DRC11: variants seen among roughly 807,000 people sequenced by gnomAD.
DRC11 encodes IQ and AAA domain-containing protein 1.
the DRC11 span, among the ~76,000 whole-genome samples, chr2:236,489,389 G>A: frequency 6.9e-6 from 1 of 145,680 alleles, no homozygotes; most frequent in African/African-American, 2.6e-5. Flanking sequence ...TCTGGGTGCA[G>A]GTGAGGCCTG....
the DRC11 span, among the ~76,000 whole-genome samples, chr2:236,382,515 A>C: frequency 5.9e-5 from 9 of 152,288 alleles, no homozygotes; most frequent in African/African-American, 1.9e-4. Context: ...AATTGCATTA[A>C]TCCTATCCTA....
the DRC11 span, among the ~76,000 whole-genome samples, chr2:236,383,122 G>A: frequency 8.6e-5 from 13 of 152,000 alleles, no homozygotes; most frequent in Non-Finnish European, 1.6e-4. Context: ...CTGATCTAAC[G>A]TCTTTATTTG....
At chr2:236,322,021 C>A in the DRC11 span, among the ~76,000 whole-genome samples, 1 of 152,056 alleles carries the variant, frequency 6.6e-6, no homozygotes, top group East Asian at 1.9e-4. Flanking sequence ...CGGGAACAGA[C>A]ACACAACTCT....
chr2:236,322,590 A>G, the DRC11 span, among the ~76,000 whole-genome samples: 1 of 152,062 alleles, frequency 6.6e-6, no homozygotes, highest in Non-Finnish European at 1.5e-5. Flanking sequence ...GTAGAGCACA[A>G]ACTCAGCACT....
chr2:236,344,461 A>C, the DRC11 span: 1 of 785,194 alleles, frequency 1.3e-6, no homozygotes, highest in South Asian at 1.7e-5. Flanking sequence ...CCTCGCTTGA[A>C]AAGGCAAGAC....
chr2:236,481,622 T>C, the DRC11 span, among the ~76,000 whole-genome samples: 1 of 152,134 alleles, frequency 6.6e-6, no homozygotes, highest in African/African-American at 2.4e-5. Context: ...CTTTTAAATG[T>C]GTGTTTTTTT....
the DRC11 span, among the ~76,000 whole-genome samples, chr2:236,325,735 TG>T: frequency 6.6e-6 from 1 of 152,168 alleles, no homozygotes; most frequent in Non-Finnish European, 1.5e-5. The surrounding 1 kb of genome is among the most constrained non-coding windows in gnomAD (Gnocchi z 4.4). Context: ...CCGGAGTAGC[TG>T]GGATTACAGG....
chr2:236,390,101 G>T, the DRC11 span, among the ~76,000 whole-genome samples: 1 of 151,974 alleles, frequency 6.6e-6, no homozygotes, highest in Non-Finnish European at 1.5e-5. This position sits in a 1 kb window ranked among gnomAD's most constrained non-coding sequence, Gnocchi z 5.9. Context: ...TTATTGTATT[G>T]CTGTCTATTT....
At chr2:236,410,218 G>A in the DRC11 span, among the ~76,000 whole-genome samples, 915 of 151,312 alleles carry the variant, frequency 6.0e-3, 9 homozygotes, top group African/African-American at 0.021. Flanking sequence ...GGTAGAATTC[G>A]GCTGTGAATC....
At chr2:236,488,250 C>T in the DRC11 span, 2 of 1,248,314 alleles carry the variant, frequency 1.6e-6, no homozygotes, top group Non-Finnish European at 2.2e-6. Flanking sequence ...TCAATTGATC[C>T]CAGACACATC....
At chr2:236,490,793 G>A in the DRC11 span, among the ~76,000 whole-genome samples, 2 of 151,578 alleles carry the variant, frequency 1.3e-5, no homozygotes, top group South Asian at 4.2e-4. The surrounding 1 kb of genome is among the most constrained non-coding windows in gnomAD (Gnocchi z 5.5). Flanking sequence ...TATATTGTGT[G>A]TGTGTCTGCA....
At chr2:236,480,621 A>C in the DRC11 span, among the ~76,000 whole-genome samples, 3 of 152,184 alleles carry the variant, frequency 2.0e-5, no homozygotes. Context: ...CAAATTTCAA[A>C]GTTGCTTTCC....
At chr2:236,507,143 T>A in the DRC11 span, 1 of 1,031,342 alleles carries the variant, frequency 9.7e-7, no homozygotes. Flanking sequence ...AGGAGGGAAG[T>A]TGAGAGGGGA....
chr2:236,356,138 G>GT, the DRC11 span, among the ~76,000 whole-genome samples: 2 of 151,928 alleles, frequency 1.3e-5, no homozygotes, highest in Non-Finnish European at 2.9e-5. Flanking sequence ...CAGGGGCCAG[G>GT]TCACCAAGCA....
At chr2:236,364,037 A>G in the DRC11 span, 2 of 1,450,402 alleles carry the variant, frequency 1.4e-6, no homozygotes, top group Non-Finnish European at 9.5e-7. Flanking sequence ...GTGGTTCTTC[A>G]ACTAGGATAA....
the DRC11 span, among the ~76,000 whole-genome samples, chr2:236,427,859 T>C: frequency 6.6e-6 from 1 of 152,266 alleles, no homozygotes; most frequent in African/African-American, 2.4e-5. This position sits in a 1 kb window ranked among gnomAD's most constrained non-coding sequence, Gnocchi z 5.9. Flanking sequence ...TTTTATGGTG[T>C]AGGCATTTAT....
the DRC11 span, among the ~76,000 whole-genome samples, chr2:236,380,088 T>C: frequency 1.3e-5 from 2 of 152,344 alleles, no homozygotes; most frequent in Non-Finnish European, 2.9e-5. This position sits in a 1 kb window ranked among gnomAD's most constrained non-coding sequence, Gnocchi z 4.9. Flanking sequence ...AAGTTAAAAA[T>C]GAACACTTGA....
chr2:236,452,870 A>G, the DRC11 span, among the ~76,000 whole-genome samples: 971 of 152,358 alleles, frequency 6.4e-3, 13 homozygotes, highest in African/African-American at 0.022. This position sits in a 1 kb window ranked among gnomAD's most constrained non-coding sequence, Gnocchi z 4.7. Flanking sequence ...ATTAAAAGGA[A>G]CAATATATTA....
At chr2:236,458,378 AGTGGGGGC>A in the DRC11 span, among the ~76,000 whole-genome samples, 2 of 152,224 alleles carry the variant, frequency 1.3e-5, no homozygotes, top group South Asian at 4.1e-4. Flanking sequence ...AACACACCAG[AGTGGGGGC>A]AGGAAGTAAA....
Sources: gnomAD v4.1 joint callset for allele counts (sites outside exome capture counted in the v4.1 genomes callset) on GRCh38, gnomAD v4.1.1 for gene constraint, Gnocchi (gnomAD v3.1) non-coding constraint, MANE v1.5 for transcripts, NCBI Gene and HGNC (gene_info 2026-07-23, HGNC 2026-07-21) for gene names.